The following AMPD2 variants were observed in gnomAD, a reference collection of about 807,000 sequenced individuals.
AMPD2 encodes AMP deaminase 2.
A neutral mutation model predicts 91.3 loss-of-function variants in AMPD2; 52 were observed. The ratio of observed to expected loss-of-function variants is 0.57; its 90% CI spans 0.46 to 0.72. The LOEUF (loss-of-function observed/expected upper bound fraction) is 0.72, where lower values mean the gene tolerates loss of function less well. Among genes scored for constraint, AMPD2 ranks in the 30% least tolerant of loss-of-function variants. The probability of loss-of-function intolerance (pLI) is 0.00; values close to 1 mark genes in which losing one functional copy is unlikely to be tolerated. For synonymous variants in AMPD2, 455 were observed against 456.4 expected, an observed-to-expected ratio of 1.00 and a Z score of 0.04; for missense variants, 822 against 1,122.3, an observed-to-expected ratio of 0.73 and a Z score of 3.82.
At chr1:109,626,504 G>T in intron 6 of AMPD2, 77 bp downstream of exon 6, 1 of 1,434,368 alleles carries the variant, frequency 7.0e-7, no homozygotes, top group Non-Finnish European at 9.4e-7. Flanking sequence ...AGAGCTGGGG[G>T]TGGGGGCTGG....
chr1:109,628,774 C>A lies in AMPD2; in HGVS notation c.1539C>A (p.Asn513Lys). The change falls in exon 13 of 19, where the codon AAC becomes AAA. Residue 513 changes from asparagine to lysine, a missense_variant. Physicochemically the swap from Asn to Lys is moderately conservative, Grantham distance 94 (BLOSUM62 0). Transcript: ENST00000528667. This position sits in a 1 kb window ranked among gnomAD's most constrained non-coding sequence, Gnocchi z 7.1. ...WAVMHRVHSPNVRWLVQVPRL... is the reference protein window; with the variant it reads ...WAVMHRVHSPKVRWLVQVPRL... ...TCATGCACCGCGTGCACTCCCCCAA[C>A]GTGCGCTGGCTGGTGCAGGTGCCCC... 1 of 1,576,582 alleles carries A rather than the reference C, an allele frequency of 6.3e-7. No individual in the cohort carries two copies. The highest frequency in any genetic ancestry group is 8.6e-7 in the Non-Finnish European group (1 of 1,160,522).
Position 109,627,557 on chromosome 1 carries a change from C to A in AMPD2, c.950+39C>A, listed in dbSNP as rs751370838. 1.9e-6 allele frequency: 3 copies of A among 1,608,704 alleles called. No homozygotes were observed. The Admixed American group carries it at 5.0e-5, about 27-fold the overall frequency. On this transcript the variant is annotated intron_variant, in intron 9 of 18. Transcript: ENST00000528667. Reference sequence around the variant, plus strand: ...CATCCCAGACACTTAGCTCCCCTCCCAGCCCAGATTCTCCAGCCCCAGTTC... The same window carrying A: ...CATCCCAGACACTTAGCTCCCCTCCAAGCCCAGATTCTCCAGCCCCAGTTC...
chr1:109,627,319 AAG>A lies in AMPD2; in HGVS notation c.860+6_860+7del, dbSNP rs1557933563. ...ACCCGCAGGGAACCCGACGAGCAGT[AAG>A]AGGGGTGTGGTGCATGTTGGGGGGA... On this transcript the variant is annotated splice_donor_5th_base_variant and intron_variant, in intron 8 of 18. Transcript: ENST00000528667. The A allele has an allele frequency of 1.2e-6, 2 of 1,605,950 alleles. No homozygotes were observed. The highest frequency in any genetic ancestry group is 1.7e-4 in the Middle Eastern group (1 of 6,034).
Position 109,625,307 on chromosome 1 carries a change from T to C in AMPD2, c.96T>C (p.Ala32=), listed in dbSNP as rs1365588320. 5.6e-6 allele frequency: 9 copies of C among 1,612,774 alleles called. No individual in the cohort carries two copies. Among genetic ancestry groups the C allele is most frequent in the Non-Finnish European group, 7.6e-6 (9 of 1,179,688 alleles). ...SLQASTAAPE[A]RGGLGAPPLQ... ...CTGGCATCACTGTCTCTGCAGAGGC[T>C]CGGGGTGGTCTGGGGGCCCCTCCGC... The change falls in exon 3 of 19, where the codon GCT becomes GCC. Residue 32 remains alanine (A), a synonymous_variant. Coordinates refer to ENST00000528667, the MANE Select transcript of AMPD2 (RefSeq NM_001368809.2). This position sits in a 1 kb window ranked among gnomAD's most constrained non-coding sequence, Gnocchi z 4.0.
chr1:109,629,360 A>T lies in AMPD2; in HGVS notation c.1732A>T (p.Lys578Ter). Reference sequence around the variant, plus strand: ...TTTTGACAGCGTGGATGATGAGTCCAAGCCTGAAAACCATGTCTTCAACCT... The same window carrying T: ...TTTTGACAGCGTGGATGATGAGTCCTAGCCTGAAAACCATGTCTTCAACCT... ...DGFDSVDDES[K>*]PENHVFNLES... Residue 578 changes from lysine (K) to a stop codon, truncating the protein, a stop_gained, in exon 15 of 19, where the codon AAG (lysine) becomes TAG (stop). Coordinates refer to ENST00000528667, the MANE Select transcript of AMPD2 (RefSeq NM_001368809.2). LOFTEE classifies it high-confidence loss of function. The T allele has an allele frequency of 6.2e-7, 1 of 1,614,142 alleles. No homozygotes were observed. Among genetic ancestry groups the T allele is most frequent in the South Asian group, 1.1e-5 (1 of 91,086 alleles).
In AMPD2 at chr1:109,629,318, C is replaced by A. The variant is rs779570402; in HGVS notation, c.1699-9C>A. ...CAGCTCTGGTTCTGACCCCAGGGTT[C>A]TGTATTAGGTGGATGGTTTTGACAG... is the stretch of plus-strand genomic sequence containing the variant. On this transcript the variant is annotated splice_polypyrimidine_tract_variant and intron_variant, in intron 14 of 18. Transcript: ENST00000528667. 3.7e-5 allele frequency: 59 copies of A among 1,614,016 alleles called. No homozygotes were observed. Among genetic ancestry groups the A allele is most frequent in the Non-Finnish European group, 5.0e-5 (59 of 1,180,026 alleles).
At chr1:109,621,527 G>T (rs1021390813) in intron 2 of AMPD2, 3 of 598,854 alleles carry the variant, frequency 5.0e-6, no homozygotes, top group Admixed American at 2.7e-5. Context: ...GCAGCAAGAG[G>T]TGTGTATGCA....
At chr1:109,627,589 A>T in intron 9 of AMPD2, 71 bp downstream of exon 9, 2 of 1,581,960 alleles carry the variant, frequency 1.3e-6, no homozygotes, top group Non-Finnish European at 1.7e-6. Context: ...GTTCTGCCCC[A>T]GACTCCCATC....
chr1:109,620,129 C>G lies in AMPD2; in HGVS notation c.-412C>G. On this transcript the variant is annotated 5_prime_UTR_variant, in exon 1 of 19. Coordinates refer to ENST00000528667, the MANE Select transcript of AMPD2 (RefSeq NM_001368809.2). ...CAATTTTGAAAGACTGCCTTACTTTCCCCATCTCAGTGCCAGGGCAGGGGC... is the reference window on the plus strand; with the variant it reads ...CAATTTTGAAAGACTGCCTTACTTTGCCCATCTCAGTGCCAGGGCAGGGGC... 8.3e-7 allele frequency: 1 copy of G among 1,207,912 alleles called. No homozygotes were observed. The highest frequency in any genetic ancestry group is 1.8e-5 in the Admixed American group (1 of 55,854). The allele number at this position is 1,207,912 out of a possible 1,614,324, so 74.8% of individuals were successfully genotyped here.
intron 10 of AMPD2, 25 bp downstream of exon 10, chr1:109,627,928 T>A: frequency 6.2e-7 from 1 of 1,612,192 alleles, no homozygotes; most frequent in Non-Finnish European, 8.5e-7. Flanking sequence ...CGTGGCCGTC[T>A]CCATGTCCTC....
rs967534585 is a variant in AMPD2, at chr1:109,631,419, C to G, written c.*267C>G. The G allele has an allele frequency of 7.3e-6, 4 of 544,324 alleles. No homozygotes were observed. Among genetic ancestry groups the G allele is most frequent in the East Asian group, 3.2e-5 (1 of 30,930 alleles). 33.7% of individuals were successfully genotyped at this position (544,324 alleles called of 1,614,324 possible). The stretch of plus-strand genomic sequence containing the variant: ...GGCCCTGTCCTGGGATCCTCAGAAG[C>G]CTGACTGTCCTATGGGCTTCTCCAG... On this transcript the variant is annotated 3_prime_UTR_variant, in exon 19 of 19. Transcript: ENST00000528667.
Position 109,625,911 on chromosome 1 carries a change from G to A in AMPD2, c.353+119G>A. The A allele has an allele frequency of 6.8e-7, 1 of 1,472,040 alleles. No individual in the cohort carries two copies. 91.2% of individuals were successfully genotyped at this position (1,472,040 alleles called of 1,614,324 possible). On this transcript the variant is annotated intron_variant, in intron 4 of 18. Transcript: ENST00000528667. The surrounding 1 kb of genome is among the most constrained non-coding windows in gnomAD (Gnocchi z 4.0). ...GGGGGGTCTGCACAGGGAGCATAGA[G>A]TGGGCTTTGGAGTCGGGCTGCTGGG... is the stretch of plus-strand genomic sequence containing the variant.
rs1167221590 is a variant in AMPD2 at position 109,626,746 on chromosome 1, G to A, written c.552G>A (p.Leu184=). The A allele has an allele frequency of 6.2e-7, 1 of 1,613,574 alleles. No homozygotes were observed. The highest frequency in any genetic ancestry group is 1.7e-5 in the Admixed American group (1 of 59,952). The change falls in exon 7 of 19, where the codon CTG becomes CTA. Residue 184 remains leucine (L), a synonymous_variant. Transcript: ENST00000528667. Reference sequence around the variant, plus strand: ...TCCAGGTGCCGTTCACAGACCTGCTGGATGCAGCCAAGAGTGTGGTGCGGG... The same window carrying A: ...TCCAGGTGCCGTTCACAGACCTGCTAGATGCAGCCAAGAGTGTGGTGCGGG... ...EKCGVPFTDL[L]DAAKSVVRAL...
Position 109,621,152 on chromosome 1 carries a change from G to A in AMPD2, c.-24G>A, listed in dbSNP as rs747756586. On this transcript the variant is annotated 5_prime_UTR_variant, in exon 2 of 19. Coordinates refer to ENST00000528667, the MANE Select transcript of AMPD2 (RefSeq NM_001368809.2). ...CAGCCGGTGCCGCTCAGACTCCCCCGCTGTCGCCGCCGTGGTCCCAGCCAT... is the reference window on the plus strand; with the variant it reads ...CAGCCGGTGCCGCTCAGACTCCCCCACTGTCGCCGCCGTGGTCCCAGCCAT... 2.5e-6 allele frequency: 4 copies of A among 1,596,822 alleles called. No homozygotes were observed. Among genetic ancestry groups the A allele is most frequent in the Non-Finnish European group, 3.4e-6 (4 of 1,171,076 alleles).
chr1:109,621,092 C>A lies in AMPD2; in HGVS notation c.-84C>A, dbSNP rs781544885. 6.2e-6 allele frequency: 10 copies of A among 1,607,684 alleles called. No individual in the cohort carries two copies. The East Asian group carries it at 1.1e-4, about 18-fold the overall frequency. The stretch of plus-strand genomic sequence containing the variant: ...TCAGTCACTCCCGCTGGGGGCGGGG[C>A]GGAGGAAGGGGTTGGATGTGGCAGA... On this transcript the variant is annotated 5_prime_UTR_variant, in exon 2 of 19. Transcript: ENST00000528667.
chr1:109,629,624 T>G, intron 15 of AMPD2, 134 bp downstream of exon 15: 3 of 1,442,932 alleles, frequency 2.1e-6, no homozygotes, highest in Non-Finnish European at 1.9e-6. Flanking sequence ...TTCTCTGCCC[T>G]TGGAGCTACA....
rs1176814050 is a variant in AMPD2, at chr1:109,628,166, G to A, written c.1164G>A (p.Leu388=). Residue 388 remains leucine, a synonymous_variant, in exon 11 of 19, where the codon CTG becomes CTA. Transcript: ENST00000528667. This position sits in a 1 kb window ranked among gnomAD's most constrained non-coding sequence, Gnocchi z 7.1. ...RFIKRAMKRH[L]EEIVHVEQGR... Reference sequence around the variant, plus strand: ...TCAAGCGGGCAATGAAGCGGCACCTGGAGGAGATCGTGCACGTGGAGCAGG... The same window carrying A: ...TCAAGCGGGCAATGAAGCGGCACCTAGAGGAGATCGTGCACGTGGAGCAGG... The A allele has an allele frequency of 1.2e-6, 2 of 1,614,016 alleles. No individual in the cohort carries two copies. Among genetic ancestry groups the A allele is most frequent in the Non-Finnish European group, 1.7e-6 (2 of 1,180,054 alleles).
intron 15 of AMPD2, 48 bp downstream of exon 15, chr1:109,629,538 C>A: frequency 6.2e-7 from 1 of 1,600,492 alleles, no homozygotes. Flanking sequence ...TCTCGCCCAA[C>A]AAACCTCACT....
Position 109,625,797 on chromosome 1 carries a change from G to T in AMPD2, c.353+5G>T, listed in dbSNP as rs1650624537. On this transcript the variant is annotated splice_donor_5th_base_variant and intron_variant, in intron 4 of 18. Coordinates refer to ENST00000528667, the MANE Select transcript of AMPD2 (RefSeq NM_001368809.2). The surrounding 1 kb of genome is among the most constrained non-coding windows in gnomAD (Gnocchi z 4.0). ...GCAGATCAGCCAGGATGTCAAGTGA[G>T]CCCGGCAGGCAGCTGCTTAGTCTCC... 1 of 1,613,832 alleles carries T rather than the reference G, an allele frequency of 6.2e-7. No individual in the cohort carries two copies. The highest frequency in any genetic ancestry group is 8.5e-7 in the Non-Finnish European group (1 of 1,180,016).
Sources: allele counts gnomAD v4.1 joint callset, GRCh38; gene constraint gnomAD v4.1.1; non-coding constraint Gnocchi (gnomAD v3.1); transcripts MANE v1.5; gene names NCBI Gene and HGNC (gene_info 2026-07-23, HGNC 2026-07-21).